The following PRKG1 variants were observed in gnomAD, a reference collection of about 807,000 sequenced individuals.
PRKG1 encodes cGMP-dependent protein kinase 1.
A neutral mutation model predicts 88.1 loss-of-function variants in PRKG1; 35 were observed. The observed-to-expected ratio is 0.40, with a 90% CI of 0.30 to 0.53. PRKG1 has a LOEUF of 0.53. Among genes scored for constraint, PRKG1 ranks in the 20% least tolerant of loss-of-function variants. The pLI, the probability that PRKG1 is intolerant of heterozygous loss-of-function variation, is 0.59. For missense variants in PRKG1, 540 were observed against 839.8 expected, an observed-to-expected ratio of 0.64 and a Z score of 4.41; for synonymous variants, 303 against 292.5, an observed-to-expected ratio of 1.04 and a Z score of -0.37.
At chr10:51,964,927 A>G (rs1843531543) in intron 5 of PRKG1, among the ~76,000 whole-genome samples, 1 of 152,184 alleles carries the variant, frequency 6.6e-6, no homozygotes, top group African/African-American at 2.4e-5. Flanking sequence ...TCAGTTGGAA[A>G]CGTTTAATCA....
chr10:51,046,090 T>TGAA (rs1340911847), intron 1 of PRKG1, among the ~76,000 whole-genome samples: 1 of 152,244 alleles, frequency 6.6e-6, no homozygotes, highest in Non-Finnish European at 1.5e-5. Flanking sequence ...ATGTAACCAC[T>TGAA]GAAGCCAACA....
At chr10:51,509,555 G>A (rs1336557775) in intron 3 of PRKG1, among the ~76,000 whole-genome samples, 2 of 152,074 alleles carry the variant, frequency 1.3e-5, no homozygotes, top group African/African-American at 4.8e-5. Flanking sequence ...TTTCATTCAT[G>A]TGTAGAGATG....
chr10:51,214,422 G>C (rs1838316017), intron 2 of PRKG1, among the ~76,000 whole-genome samples: 2 of 152,102 alleles, frequency 1.3e-5, no homozygotes, highest in African/African-American at 4.8e-5. Flanking sequence ...CTTTGTATGG[G>C]TACAGATCTT....
intron 2 of PRKG1, among the ~76,000 whole-genome samples, chr10:51,168,636 G>A (rs979759878): frequency 3.3e-5 from 5 of 152,138 alleles, no homozygotes; most frequent in Admixed American, 2.0e-4. Flanking sequence ...GGGCATATAT[G>A]ACCATGTGGT....
In PRKG1 at chr10:51,126,420, TATATTCATATATTTATATAA is replaced by T. The variant is rs1201320166; in HGVS notation, c.312-26724_312-26705del. 9.9e-4 allele frequency among the ~76,000 whole-genome samples: 139 copies of T among 140,834 alleles called. 1 individual carries two copies. The South Asian group carries it at 0.012, about 13-fold the overall frequency. The allele number at this position is 140,834 out of a possible 152,430, so 92.4% of individuals were successfully genotyped here. On this transcript the variant is annotated intron_variant, in intron 1 of 17. Coordinates refer to ENST00000373980, the MANE Select transcript of PRKG1 (RefSeq NM_006258.4). ...TATTTATATATTTATATATAATTCATATATTCATATATTTATATAAATATTCATATATTTATATATTTATT... is the reference window on the plus strand; with the variant it reads ...TATTTATATATTTATATATAATTCATATATTCATATATTTATATATTTATT...
chr10:51,393,731 C>G (rs998370892), intron 2 of PRKG1, among the ~76,000 whole-genome samples: 1 of 152,080 alleles, frequency 6.6e-6, no homozygotes, highest in Non-Finnish European at 1.5e-5. Context: ...GTGCTACTAT[C>G]ACGTAGGTAT....
intron 5 of PRKG1, among the ~76,000 whole-genome samples, chr10:52,032,997 G>T (rs1393887244): frequency 3.3e-5 from 5 of 152,134 alleles, no homozygotes; most frequent in African/African-American, 7.2e-5. Flanking sequence ...TCACTACTTT[G>T]TTAAATTTTT....
intron 5 of PRKG1, among the ~76,000 whole-genome samples, chr10:51,996,314 CAAAAAAAAAA>C (rs59174399): frequency 1.0e-3 from 30 of 30,006 alleles, no homozygotes; most frequent in East Asian, 4.7e-3. Context: ...GACTCCATCT[CAAAAAAAAAA>C]AAAAAAAAAA....
chr10:52,101,656 G>A (rs1390748290), intron 7 of PRKG1, among the ~76,000 whole-genome samples: 1 of 152,108 alleles, frequency 6.6e-6, no homozygotes, highest in African/African-American at 2.4e-5. Flanking sequence ...ACCCTATGAG[G>A]TAGATGGTTA....
Position 51,797,358 on chromosome 10 carries a change from TAA to T in PRKG1, c.593-7226_593-7225del, listed in dbSNP as rs1467780966. ...AGGATGATAAATTTTGTTATATATA[TAA>T]GAGAATATATAATAAAATATATATT... On this transcript the variant is annotated intron_variant, in intron 3 of 17. Coordinates refer to ENST00000373980, the MANE Select transcript of PRKG1 (RefSeq NM_006258.4). 2.9e-4 allele frequency among the ~76,000 whole-genome samples: 42 copies of T among 146,688 alleles called. 1 individual carries two copies. The highest frequency in any genetic ancestry group is 7.9e-4 in the African/African-American group (32 of 40,612).
intron 2 of PRKG1, among the ~76,000 whole-genome samples, chr10:51,317,495 T>A (rs1316102848): frequency 4.6e-5 from 7 of 152,200 alleles, no homozygotes; most frequent in Non-Finnish European, 1.0e-4. Context: ...TCTCCTTATG[T>A]GTAAATGACA....
At chr10:51,931,434 C>T (rs1054772767) in intron 5 of PRKG1, among the ~76,000 whole-genome samples, 27 of 151,946 alleles carry the variant, frequency 1.8e-4, no homozygotes, top group African/African-American at 5.1e-4. Flanking sequence ...GACAACATAG[C>T]GAGACCCCCA....
intron 2 of PRKG1, among the ~76,000 whole-genome samples, chr10:51,274,895 A>G (rs999036545): frequency 5.5e-4 from 84 of 152,296 alleles, no homozygotes; most frequent in African/African-American, 1.9e-3. Context: ...TGGAGGATGG[A>G]TAGTTGTCTC....
At chr10:51,668,900 G>T (rs1180407635) in intron 3 of PRKG1, among the ~76,000 whole-genome samples, 4 of 151,980 alleles carry the variant, frequency 2.6e-5, no homozygotes, top group Non-Finnish European at 5.9e-5. Context: ...ATAACTGAAG[G>T]TAGCTTTAGA....
chr10:51,579,576 A>G (rs1432455733), intron 3 of PRKG1, among the ~76,000 whole-genome samples: 3 of 152,126 alleles, frequency 2.0e-5, no homozygotes, highest in Non-Finnish European at 4.4e-5. Context: ...ATATTTACCA[A>G]TTTTTATTTG....
chr10:51,416,695 AT>A (rs138629734), intron 2 of PRKG1, among the ~76,000 whole-genome samples: 1,879 of 152,324 alleles, frequency 0.012, 28 homozygotes, highest in Admixed American at 0.017. Flanking sequence ...GAACGTGGAA[AT>A]GACAGTGCTT....
At chr10:51,363,605 T>C (rs894713819) in intron 2 of PRKG1, among the ~76,000 whole-genome samples, 2 of 151,984 alleles carry the variant, frequency 1.3e-5, no homozygotes, top group African/African-American at 4.8e-5. Flanking sequence ...ATTGGTTAAC[T>C]ACGGCTGCTG....
intron 2 of PRKG1, among the ~76,000 whole-genome samples, chr10:51,374,237 G>GCACCCC (rs1842771056): frequency 6.8e-6 from 1 of 146,840 alleles, no homozygotes; most frequent in Non-Finnish European, 1.5e-5. Flanking sequence ...CCCTCCCCTA[G>GCACCCC]CACCCCCACC....
intron 3 of PRKG1, among the ~76,000 whole-genome samples, chr10:51,510,622 T>A (rs1841367510): frequency 6.6e-6 from 1 of 152,200 alleles, no homozygotes. Flanking sequence ...AAAATAAAAC[T>A]AATTTTGTAT....
Sources: allele counts gnomAD v4.1 joint callset (sites outside exome capture counted in the v4.1 genomes callset), GRCh38; gene constraint gnomAD v4.1.1; transcripts MANE v1.5; gene names NCBI Gene and HGNC (gene_info 2026-07-23, HGNC 2026-07-21).